Variants in TAFA2 observed in about 807,000 individuals in gnomAD.
TAFA2 encodes the protein TAFA chemokine like family member 2, also known as chemokine-like protein TAFA-2.
TAFA2 carries 7 observed loss-of-function variants against 18.8 expected under a neutral mutation model. The ratio of observed to expected loss-of-function variants is 0.37; its 90% confidence interval spans 0.21 to 0.70. The LOEUF (loss-of-function observed/expected upper bound fraction) is 0.70, where lower values mean the gene tolerates loss of function less well. TAFA2 is among the 30% of genes least tolerant of loss of function. The pLI is 0.53. For synonymous variants in TAFA2, 60 were observed against 54.2 expected (o/e 1.11, Z -0.47); for missense variants, 122 against 158.1 (o/e 0.77, Z 1.23).
intron 4 of TAFA2, among the ~76,000 whole-genome samples, 172 bp from the exon 5 acceptor site, chr12:61,710,589 T>C (rs1475876122): frequency 3.9e-5 from 6 of 152,158 alleles, no homozygotes; most frequent in African/African-American, 1.2e-4. Context: ...TATAAAAATA[T>C]ACTTTTTTTC....
At chr12:61,872,766 C>T (rs1050525792) in intron 1 of TAFA2, among the ~76,000 whole-genome samples, 1 of 152,132 alleles carries the variant, frequency 6.6e-6, no homozygotes, top group Non-Finnish European at 1.5e-5. Flanking sequence ...GTTCTCCCAC[C>T]TGTCTTTGTG....
chr12:62,090,463 A>C (rs970512419), intron 1 of TAFA2, among the ~76,000 whole-genome samples: 18 of 152,086 alleles, frequency 1.2e-4, no homozygotes, highest in African/African-American at 4.3e-4. Flanking sequence ...AGAATGGTGA[A>C]GTTTCTAAAC....
chr12:61,817,941 C>T (rs749410996), intron 2 of TAFA2, among the ~76,000 whole-genome samples: 6 of 152,086 alleles, frequency 3.9e-5, no homozygotes, highest in Non-Finnish European at 8.8e-5. Context: ...TATTCAGTTA[C>T]CTTCACTCCT....
chr12:62,170,670 G>A (rs1056363210), intron 1 of TAFA2, among the ~76,000 whole-genome samples: 2 of 141,804 alleles, frequency 1.4e-5, no homozygotes, highest in African/African-American at 5.0e-5. Flanking sequence ...TTTTTACATC[G>A]ATACAATGCA....
intron 1 of TAFA2, among the ~76,000 whole-genome samples, chr12:62,163,763 G>A (rs1472472880): frequency 6.6e-6 from 1 of 152,054 alleles, no homozygotes; most frequent in East Asian, 1.9e-4. Context: ...TCAAACTAAT[G>A]TAAATCCCTC....
At chr12:61,858,125 T>C (rs1453014558) in intron 2 of TAFA2, among the ~76,000 whole-genome samples, 1 of 152,214 alleles carries the variant, frequency 6.6e-6, no homozygotes, top group African/African-American at 2.4e-5. Flanking sequence ...AGGAGGGCTT[T>C]GGCAGACCCT....
intron 1 of TAFA2, among the ~76,000 whole-genome samples, chr12:61,910,868 TTTC>T (rs1876581224): frequency 6.6e-6 from 1 of 152,332 alleles, no homozygotes; most frequent in South Asian, 2.1e-4. Context: ...ACCATCTGTG[TTTC>T]TTCAAAGCTC....
chr12:62,172,680 G>A (rs2062486367), intron 1 of TAFA2, among the ~76,000 whole-genome samples: 1 of 152,100 alleles, frequency 6.6e-6, no homozygotes, highest in Non-Finnish European at 1.5e-5. Context: ...CTTTTTAACA[G>A]GTAAAATGCT....
At chr12:61,959,004 T>G (rs1878791787) in intron 1 of TAFA2, among the ~76,000 whole-genome samples, 2 of 152,166 alleles carry the variant, frequency 1.3e-5, no homozygotes, top group South Asian at 4.1e-4. Flanking sequence ...TTTGCCAATA[T>G]GAATTCATTA....
chr12:61,748,462 G>T (rs112918498), intron 4 of TAFA2, among the ~76,000 whole-genome samples: 3,025 of 152,190 alleles, frequency 0.02, 101 homozygotes, highest in African/African-American at 0.067. Flanking sequence ...ACTTAAATTT[G>T]CAAGGCTAGA....
At chr12:61,959,107 T>G (rs1878795381) in intron 1 of TAFA2, among the ~76,000 whole-genome samples, 1 of 152,050 alleles carries the variant, frequency 6.6e-6, no homozygotes, top group Non-Finnish European at 1.5e-5. Flanking sequence ...TGCCCTGATA[T>G]TTTTTAAAAG....
intron 1 of TAFA2, among the ~76,000 whole-genome samples, chr12:61,953,807 C>A (rs558346706): frequency 1.3e-4 from 20 of 152,248 alleles, no homozygotes; most frequent in Admixed American, 3.9e-4. Context: ...ACACAGAGAA[C>A]TGAGCAAAGT....
At chr12:62,139,023 G>A (rs1242603455) in intron 1 of TAFA2, among the ~76,000 whole-genome samples, 2 of 152,036 alleles carry the variant, frequency 1.3e-5, no homozygotes, top group Non-Finnish European at 2.9e-5. Context: ...TATAAGTGAG[G>A]ACATCTATGG....
At chr12:61,809,606 A>G (rs1871773203) in intron 2 of TAFA2, among the ~76,000 whole-genome samples, 1 of 151,216 alleles carries the variant, frequency 6.6e-6, no homozygotes. Context: ...AAGAATCATG[A>G]TTTAGAGCAT....
In TAFA2 at chr12:61,753,629, G is replaced by A. The variant is rs1161798525; in HGVS notation, c.377C>T (p.Thr126Ile). ...WSCSSGNKVK[T>I]TRVTH is the part of the protein sequence containing the mutation. ...AGCTTGCTGTCCACTTACCCTAGTT[G>A]TTTTGACTTTATTCCCAGAGGAACA... Residue 126 changes from threonine to isoleucine, a missense_variant, in exon 4 of 5, where the codon ACA becomes ATA. Physicochemically the swap from Thr to Ile is moderately conservative, Grantham distance 89. Coordinates refer to ENST00000416284, the MANE Select transcript of TAFA2 (RefSeq NM_178539.5). The A allele has an allele frequency of 1.2e-6, 2 of 1,611,802 alleles. No individual in the cohort carries two copies. Among genetic ancestry groups the A allele is most frequent in the African/African-American group, 2.7e-5 (2 of 74,826 alleles).
At chr12:62,128,913 G>C (rs1226253171) in intron 1 of TAFA2, among the ~76,000 whole-genome samples, 2 of 152,046 alleles carry the variant, frequency 1.3e-5, no homozygotes, top group Non-Finnish European at 2.9e-5. Flanking sequence ...ATGTGTGAAA[G>C]AGGTTACTGC....
chr12:61,752,623 C>T (rs1313948980), intron 4 of TAFA2, among the ~76,000 whole-genome samples: 1 of 151,862 alleles, frequency 6.6e-6, no homozygotes, highest in Non-Finnish European at 1.5e-5. Flanking sequence ...TTTATTCATG[C>T]CATTTGAAAC....
chr12:61,853,536 A>C (rs1162414808), intron 2 of TAFA2, among the ~76,000 whole-genome samples: 1 of 152,168 alleles, frequency 6.6e-6, no homozygotes, highest in African/African-American at 2.4e-5. Context: ...AGAAAGCAGA[A>C]TCTCTAGACT....
At chr12:61,828,450 A>C (rs1191622179) in intron 2 of TAFA2, among the ~76,000 whole-genome samples, 1 of 151,808 alleles carries the variant, frequency 6.6e-6, no homozygotes, top group Non-Finnish European at 1.5e-5. Flanking sequence ...ATAAATCCAC[A>C]TGTGTGTAGG....
Sources: allele counts gnomAD v4.1 joint callset (sites outside exome capture counted in the v4.1 genomes callset), GRCh38; gene constraint gnomAD v4.1.1; transcripts MANE v1.5; gene names NCBI Gene and HGNC (gene_info 2026-07-23, HGNC 2026-07-21).